SORCS2: variants seen among roughly 807,000 people sequenced by gnomAD.
The protein encoded by SORCS2 is sortilin related VPS10 domain containing receptor 2.
SORCS2 carries 100 observed loss-of-function variants against 141.6 expected under a neutral mutation model. That is an observed-to-expected ratio of 0.71 (90% CI 0.60 to 0.83). SORCS2 has a LOEUF of 0.83. Among genes scored for constraint, SORCS2 ranks in the 40% least tolerant of loss-of-function variants. The pLI is 0.00. For synonymous variants in SORCS2, 789 were observed against 676.9 expected, an observed-to-expected ratio of 1.17 and a Z score of -2.57; for missense variants, 1,646 against 1,560.2, an observed-to-expected ratio of 1.05 and a Z score of -0.93.
At position 7,471,756 on chromosome 4, in the gene SORCS2, T is replaced by A. The variant is rs56779202; in HGVS notation, c.549-59774T>A. On this transcript the variant is annotated intron_variant, in intron 2 of 26. Coordinates refer to ENST00000507866, the MANE Select transcript of SORCS2 (RefSeq NM_020777.3). ...TGGCCCTGGCTGGGGATCAGGCCCCTGTCTCTGGGCCTGGAAGCCCACCTG... is the reference window on the plus strand; with the variant it reads ...TGGCCCTGGCTGGGGATCAGGCCCCAGTCTCTGGGCCTGGAAGCCCACCTG... Among the ~76,000 whole-genome samples the A allele has an allele frequency of 1.1e-3, 168 of 152,346 alleles. 1 individual carries two copies. The highest frequency in any genetic ancestry group is 6.3e-4 in the Non-Finnish European group (43 of 68,030).
At chr4:7,700,696 C>A (rs953246426) in intron 12 of SORCS2, among the ~76,000 whole-genome samples, 1 of 152,170 alleles carries the variant, frequency 6.6e-6, no homozygotes, top group East Asian at 1.9e-4. Flanking sequence ...AACTCCCCTG[C>A]CCCCGCTCCA....
At chr4:7,641,794 ATGGATGGATGGATGGATGGATGGGTGGG>A (rs1720744471) in intron 4 of SORCS2, among the ~76,000 whole-genome samples, 1 of 95,772 alleles carries the variant, frequency 1.0e-5, no homozygotes, top group African/African-American at 3.2e-5. Context: ...GGATGGATGG[ATGGATGGATGGATGGATGGATGGGTGGG>A]TGGATGGATG....
chr4:7,718,705 C>A (rs770575104), intron 18 of SORCS2, among the ~76,000 whole-genome samples: 1 of 152,176 alleles, frequency 6.6e-6, no homozygotes, highest in Non-Finnish European at 1.5e-5. Context: ...TCCCAGCCTC[C>A]CAGGCTTGCT....
At chr4:7,674,499 G>C (rs912546858) in intron 8 of SORCS2, among the ~76,000 whole-genome samples, 31 of 151,404 alleles carry the variant, frequency 2.0e-4, no homozygotes, top group African/African-American at 7.0e-4. Context: ...TGTGAACCCG[G>C]GGGGGCAGAG....
At chr4:7,600,174 C>T (rs1002765821) in intron 3 of SORCS2, among the ~76,000 whole-genome samples, 4 of 152,116 alleles carry the variant, frequency 2.6e-5, no homozygotes, top group African/African-American at 9.7e-5. Context: ...TTGTGTAACC[C>T]TCTTTCTTTA....
At chr4:7,341,488 C>T (rs181890808) in intron 1 of SORCS2, among the ~76,000 whole-genome samples, 42 of 152,316 alleles carry the variant, frequency 2.8e-4, no homozygotes, top group Non-Finnish European at 8.8e-5. Flanking sequence ...TTTCTTTGCT[C>T]ATTTTCTCTC....
intron 3 of SORCS2, among the ~76,000 whole-genome samples, chr4:7,571,164 C>T (rs2109711242): frequency 6.6e-6 from 1 of 152,356 alleles, no homozygotes; most frequent in South Asian, 2.1e-4. Flanking sequence ...TGCAGTGAAC[C>T]TGGGCAGCAT....
intron 2 of SORCS2, among the ~76,000 whole-genome samples, chr4:7,457,348 G>A (rs1333458490): frequency 6.6e-6 from 1 of 152,228 alleles, no homozygotes; most frequent in Non-Finnish European, 1.5e-5. Context: ...AGGTGGGGAG[G>A]GACAACAGCA....
intron 1 of SORCS2, among the ~76,000 whole-genome samples, chr4:7,292,218 C>T (rs1435357615): frequency 1.3e-5 from 2 of 151,964 alleles, no homozygotes; most frequent in Non-Finnish European, 2.9e-5. Context: ...AGGCTCCCCA[C>T]CATTCGCAGT....
chr4:7,239,395 C>G (rs13102284), intron 1 of SORCS2, among the ~76,000 whole-genome samples: 3 of 152,136 alleles, frequency 2.0e-5, no homozygotes, highest in Admixed American at 6.5e-5. Flanking sequence ...TTGGAGTCCC[C>G]GTGGCCGGGA....
At chr4:7,517,724 A>G (rs995127266) in intron 2 of SORCS2, among the ~76,000 whole-genome samples, 1 of 152,210 alleles carries the variant, frequency 6.6e-6, no homozygotes, top group African/African-American at 2.4e-5. Flanking sequence ...CATCCCACTG[A>G]TGAGCCTCCC....
Position 7,565,849 on chromosome 4 carries a change from GAT to G in SORCS2, c.648+34221_648+34222del, listed in dbSNP as rs1378465251. On this transcript the variant is annotated intron_variant, in intron 3 of 26. Transcript: ENST00000507866. ...TGGTGATGATGATGGTGATGGTGAT[GAT>G]GGTGATGATGGTGATGATGTGATGA... is the stretch of plus-strand genomic sequence containing the variant. Among the ~76,000 whole-genome samples, 356 of 150,154 alleles carry G rather than the reference GAT, an allele frequency of 2.4e-3. 27 individuals carry two copies. The highest frequency in any genetic ancestry group is 8.9e-4 in the Non-Finnish European group (60 of 67,242).
chr4:7,314,967 A>G (rs28510840), intron 1 of SORCS2, among the ~76,000 whole-genome samples: 151,558 of 152,240 alleles, frequency 1, 75,448 homozygotes, highest in Middle Eastern at 1. Context: ...AAGTAGCTGG[A>G]ATTACAGGTG....
At chr4:7,362,695 C>T (rs1721647777) in intron 1 of SORCS2, among the ~76,000 whole-genome samples, 1 of 150,560 alleles carries the variant, frequency 6.6e-6, no homozygotes, top group Non-Finnish European at 1.5e-5. Flanking sequence ...ATCACCATCT[C>T]CACCATCACT....
intron 2 of SORCS2, among the ~76,000 whole-genome samples, chr4:7,424,057 C>CAG (rs1726265114): frequency 6.6e-6 from 1 of 152,182 alleles, no homozygotes; most frequent in East Asian, 1.9e-4. Flanking sequence ...ATGCTGCTTA[C>CAG]CCAGCGGAGA....
In SORCS2 at chr4:7,697,270, G is replaced by A. The variant is rs901219708; in HGVS notation, c.1664G>A (p.Arg555Gln). ...YITSDCGHTW[R>Q]QVFEEEHHIL... ...ACGTCAGACTGTGGTCACACCTGGC[G>A]GCAGGTAAGCTGGCTGGGAGGTGCC... Residue 555 changes from arginine to glutamine, a missense_variant, in exon 12 of 27, where the codon CGG (arginine) becomes CAG (glutamine). Physicochemically the swap from Arg to Gln is conservative, Grantham distance 43 (BLOSUM62 1). Coordinates refer to ENST00000507866, the MANE Select transcript of SORCS2 (RefSeq NM_020777.3). 1.2e-5 allele frequency: 19 copies of A among 1,584,848 alleles called. No individual in the cohort carries two copies. Among genetic ancestry groups the A allele is most frequent in the East Asian group, 2.3e-5 (1 of 43,454 alleles).
intron 3 of SORCS2, among the ~76,000 whole-genome samples, chr4:7,613,302 G>A (rs781250278): frequency 2.6e-5 from 4 of 152,224 alleles, no homozygotes; most frequent in South Asian, 4.1e-4. Context: ...ATAAACTAAC[G>A]AATGAGACAG....
intron 8 of SORCS2, among the ~76,000 whole-genome samples, chr4:7,675,094 C>T (rs1723030534): frequency 1.3e-5 from 2 of 152,226 alleles, no homozygotes; most frequent in Admixed American, 6.5e-5. Flanking sequence ...ACTCTTGCCT[C>T]CCACATAGCA....
At chr4:7,564,720 T>A (rs1395352394) in intron 3 of SORCS2, among the ~76,000 whole-genome samples, 1 of 152,244 alleles carries the variant, frequency 6.6e-6, no homozygotes, top group Non-Finnish European at 1.5e-5. Flanking sequence ...TGTGCTTGTT[T>A]CCACGGCAGC....
Sources: gnomAD v4.1 joint callset for allele counts (sites outside exome capture counted in the v4.1 genomes callset) on GRCh38, gnomAD v4.1.1 for gene constraint, MANE v1.5 for transcripts, NCBI Gene and HGNC (gene_info 2026-07-23, HGNC 2026-07-21) for gene names.